The following NAV2 variants were observed in gnomAD, a reference collection of about 807,000 sequenced individuals.
NAV2 encodes neuron navigator 2.
In NAV2, 54 loss-of-function variants were observed where a neutral mutation model predicts 223.2. The observed-to-expected ratio is 0.24, with a 90% CI of 0.19 to 0.30. The LOEUF (loss-of-function observed/expected upper bound fraction) is 0.30, where lower values mean the gene tolerates loss of function less well. Among genes scored for constraint, NAV2 ranks in the 10% least tolerant of loss-of-function variants. NAV2 has a pLI of 1.00. For missense variants in NAV2, 2,806 were observed against 3,147.5 expected, an observed-to-expected ratio of 0.89 and a Z score of 2.60; for synonymous variants, 1,279 against 1,239.3, an observed-to-expected ratio of 1.03 and a Z score of -0.67.
At chr11:20,080,282 G>A (rs2060009637) in intron 25 of NAV2, 73 bp downstream of exon 25, 10 of 1,429,116 alleles carry the variant, frequency 7.0e-6, no homozygotes, top group Non-Finnish European at 9.7e-6. Flanking sequence ...CATCTCCCCA[G>A]ATAAAGTCCA....
At position 20,080,070 on chromosome 11, in the gene NAV2, G is replaced by C; in HGVS notation, c.5186G>C (p.Gly1729Ala). The C allele has an allele frequency of 6.2e-7, 1 of 1,613,580 alleles. No homozygotes were observed. The highest frequency in any genetic ancestry group is 8.5e-7 in the Non-Finnish European group (1 of 1,179,976). The change falls in exon 25 of 38, where the codon GGC (glycine) becomes GCC (alanine). Residue 1729 changes from glycine (G) to alanine (A), a missense_variant. Around this residue, in one of 4 missense-constraint regions of NAV2, gnomAD observed 824 missense variants for 1,069.4 expected, o/e 0.77. Coordinates refer to ENST00000349880, the MANE Select transcript of NAV2 (RefSeq NM_145117.5). The part of the protein sequence containing the change: ...NTPELNCKGN[G>A]TAQSADLRIR... Reference sequence around the variant, plus strand: ...ACCCTGCCTTGGTCTCCAGGAAACGGCACTGCCCAGTCTGCAGACCTCCGC... The same window carrying C: ...ACCCTGCCTTGGTCTCCAGGAAACGCCACTGCCCAGTCTGCAGACCTCCGC...
intron 1 of NAV2, among the ~76,000 whole-genome samples, chr11:19,678,890 T>G (rs572573908): frequency 8.8e-4 from 134 of 152,266 alleles, no homozygotes; most frequent in African/African-American, 3.2e-3. Flanking sequence ...GTGCTAGGTG[T>G]TCAAATTCAG....
chr11:19,753,213 C>T (rs1484156557), intron 1 of NAV2, among the ~76,000 whole-genome samples: 1 of 152,212 alleles, frequency 6.6e-6, no homozygotes, highest in East Asian at 1.9e-4. Flanking sequence ...ACACTCCCCA[C>T]TTCATGAGTC....
At chr11:19,349,814 C>T (rs1364947165), upstream of NAV2, among the ~76,000 whole-genome samples, 3 of 152,152 alleles carry the variant, frequency 2.0e-5, no homozygotes, top group South Asian at 4.1e-4. Context: ...CTCCTCCCTC[C>T]CTGTCCCTCC....
chr11:19,821,650 T>C (rs2059388351), intron 1 of NAV2, among the ~76,000 whole-genome samples: 1 of 152,222 alleles, frequency 6.6e-6, no homozygotes, highest in Non-Finnish European at 1.5e-5. Flanking sequence ...CATGTTATAT[T>C]GGCATTTTTG....
intron 1 of NAV2, among the ~76,000 whole-genome samples, chr11:19,670,873 C>T (rs566569151): frequency 2.0e-5 from 3 of 152,322 alleles, no homozygotes; most frequent in South Asian, 4.1e-4. Flanking sequence ...CTAGTCTAAG[C>T]ACTCTGCAGC....
At chr11:20,078,420 G>T (rs2059892737) in intron 24 of NAV2, among the ~76,000 whole-genome samples, 1 of 152,186 alleles carries the variant, frequency 6.6e-6, no homozygotes, top group Non-Finnish European at 1.5e-5. Flanking sequence ...CTGATATATG[G>T]CATAAGCTGA....
chr11:20,092,439 C>A, intron 28 of NAV2, 71 bp downstream of exon 28: 4 of 1,485,742 alleles, frequency 2.7e-6, no homozygotes, highest in Non-Finnish European at 3.7e-6. Flanking sequence ...AGCGAGAACC[C>A]CAAAATAAGC....
intron 26 of NAV2, among the ~76,000 whole-genome samples, chr11:20,090,600 G>GTC (rs2060773269): frequency 6.6e-6 from 1 of 152,054 alleles, no homozygotes; most frequent in Non-Finnish European, 1.5e-5. Context: ...AAATAGAAAA[G>GTC]TAACAATACA....
chr11:19,620,086 T>C (rs1244634463), intron 1 of NAV2, among the ~76,000 whole-genome samples: 11 of 152,190 alleles, frequency 7.2e-5, no homozygotes, highest in Non-Finnish European at 1.3e-4. Context: ...GTGATATTAT[T>C]TCTGAGGGCT....
chr11:19,346,405 TCG>T (rs1853008874), upstream of NAV2, among the ~76,000 whole-genome samples: 1 of 152,196 alleles, frequency 6.6e-6, no homozygotes, highest in Admixed American at 6.5e-5. Context: ...CCCCTGGCTC[TCG>T]CTCTCCCACG....
chr11:19,886,741 A>T (rs1481947379), intron 5 of NAV2, among the ~76,000 whole-genome samples: 1 of 152,172 alleles, frequency 6.6e-6, no homozygotes, highest in Non-Finnish European at 1.5e-5. Context: ...GTCCCAGATG[A>T]TGGAAGAAGG....
chr11:19,871,210 T>C (rs2062467953), intron 4 of NAV2, among the ~76,000 whole-genome samples: 2 of 152,176 alleles, frequency 1.3e-5, no homozygotes, highest in South Asian at 4.1e-4. Flanking sequence ...GGCCAGGATA[T>C]ATAACTCTGT....
chr11:19,912,033 G>A (rs1471802289), intron 6 of NAV2, among the ~76,000 whole-genome samples: 2 of 152,132 alleles, frequency 1.3e-5, no homozygotes, highest in Non-Finnish European at 2.9e-5. Flanking sequence ...TGGATTGCAG[G>A]CATTTCATCA....
chr11:19,387,381 A>G lies in NAV2; in HGVS notation c.75+36354A>G, dbSNP rs78781239. 9.1e-3 allele frequency among the ~76,000 whole-genome samples: 1,391 copies of G among 152,176 alleles called. 23 individuals carry two copies. Among genetic ancestry groups the G allele is most frequent in the African/African-American group, 0.032 (1,324 of 41,548 alleles). On this transcript the variant is annotated intron_variant, in intron 1 of 37. Transcript: ENST00000360655. ...ATGGCATTCCGAGAAAGGGCTGCAT[A>G]AAGACTGGAAGCATGGAAGTTTCAG...
At chr11:19,653,565 A>G (rs939559039) in intron 1 of NAV2, among the ~76,000 whole-genome samples, 5 of 152,196 alleles carry the variant, frequency 3.3e-5, no homozygotes, top group African/African-American at 1.2e-4. Context: ...ACTGGCATCA[A>G]AACCTCATGC....
chr11:20,026,599 C>A (rs570385012), intron 11 of NAV2, among the ~76,000 whole-genome samples: 1 of 152,204 alleles, frequency 6.6e-6, no homozygotes, highest in Non-Finnish European at 1.5e-5. Context: ...CGTGAGCCAT[C>A]GTGCCTGGCC....
intron 1 of NAV2, among the ~76,000 whole-genome samples, chr11:19,599,073 C>T (rs2046287581): frequency 6.6e-6 from 1 of 152,218 alleles, no homozygotes; most frequent in Non-Finnish European, 1.5e-5. Context: ...TGGCCCAGGC[C>T]ACCCACGTTT....
chr11:19,606,316 A>G (rs1156453683), intron 1 of NAV2, among the ~76,000 whole-genome samples: 1 of 152,182 alleles, frequency 6.6e-6, no homozygotes, highest in East Asian at 1.9e-4. Flanking sequence ...TGCTTTATTT[A>G]ACCTTCACCC....
Sources: gnomAD v4.1 joint callset for allele counts (sites outside exome capture counted in the v4.1 genomes callset) on GRCh38, gnomAD v4.1.1 for gene constraint, gnomAD v4.1.1 regional missense constraint, MANE v1.5 for transcripts, NCBI Gene and HGNC (gene_info 2026-07-23, HGNC 2026-07-21) for gene names.